The following SV2B variants were observed in gnomAD, a reference collection of about 807,000 sequenced individuals.
SV2B encodes synaptic vesicle glycoprotein 2B.
SV2B carries 41 observed loss-of-function variants against 73.9 expected under a neutral mutation model. The ratio of observed to expected loss-of-function variants is 0.56; its 90% CI spans 0.43 to 0.72. The LOEUF (loss-of-function observed/expected upper bound fraction) is 0.72, where lower values mean the gene tolerates loss of function less well. Ranked by LOEUF, SV2B falls within the 30% of genes least tolerant of loss-of-function variation. The probability of loss-of-function intolerance (pLI) is 0.00; values close to 1 mark genes in which losing one functional copy is unlikely to be tolerated. For synonymous variants in SV2B, 314 were observed against 314.2 expected (o/e 1.00, Z 0.01); for missense variants, 764 against 857.8 (o/e 0.89, Z 1.37).
chr15:91,135,091 C>G (rs2042779822), intron 1 of SV2B, among the ~76,000 whole-genome samples: 1 of 151,888 alleles, frequency 6.6e-6, no homozygotes, highest in African/African-American at 2.4e-5. Context: ...CCTAGACCTC[C>G]CCAGCTCACG....
Position 91,270,405 on chromosome 15 carries a change from G to A in SV2B, c.1373+1800G>A, listed in dbSNP as rs943548112. ...CTCTTTTGCAAGTGGGGAAACAGAA[G>A]CTTAGAGAGGTTAAGTATCTTGCTC... On this transcript the variant is annotated intron_variant, in intron 9 of 12. Coordinates refer to ENST00000394232, the MANE Select transcript of SV2B (RefSeq NM_001323032.3). 3.3e-5 allele frequency among the ~76,000 whole-genome samples: 5 copies of A among 152,312 alleles called. 1 individual carries two copies. Among genetic ancestry groups the A allele is most frequent in the African/African-American group, 1.2e-4 (5 of 41,570 alleles).
Position 91,214,591 on chromosome 15 carries a change from A to G in SV2B, c.-391-11282A>G, listed in dbSNP as rs951757707. ...AGAACTTGCGAATGGCAGAGCTGGT[A>G]TCTGTAAAGAAATGCAGTGGGCAAG... On this transcript the variant is annotated intron_variant, in intron 1 of 12. Coordinates refer to ENST00000394232, the MANE Select transcript of SV2B (RefSeq NM_001323032.3). This position sits in a 1 kb window ranked among gnomAD's most constrained non-coding sequence, Gnocchi z 4.7. Among the ~76,000 whole-genome samples the G allele has an allele frequency of 5.9e-5, 9 of 152,258 alleles. No homozygotes were observed. Among genetic ancestry groups the G allele is most frequent in the Admixed American group, 5.9e-4 (9 of 15,288 alleles).
chr15:91,236,192 T>A lies in SV2B; in HGVS notation c.451+9478T>A, dbSNP rs1381258951. ...GCAATGTCACCTTCAAAGACTTTAATGAGTTGTTTTTCCTCCACAGTTAAG... is the reference window on the plus strand; with the variant it reads ...GCAATGTCACCTTCAAAGACTTTAAAGAGTTGTTTTTCCTCCACAGTTAAG... On this transcript the variant is annotated intron_variant, in intron 2 of 12. Coordinates refer to ENST00000394232, the MANE Select transcript of SV2B (RefSeq NM_001323032.3). This position sits in a 1 kb window ranked among gnomAD's most constrained non-coding sequence, Gnocchi z 4.1. Among the ~76,000 whole-genome samples, 1 of 152,236 alleles carries A rather than the reference T, an allele frequency of 6.6e-6. No individual in the cohort carries two copies. Among genetic ancestry groups the A allele is most frequent in the Non-Finnish European group, 1.5e-5 (1 of 68,038 alleles).
At chr15:91,202,522 T>C (rs1240963011) in intron 1 of SV2B, among the ~76,000 whole-genome samples, 1 of 152,242 alleles carries the variant, frequency 6.6e-6, no homozygotes, top group Non-Finnish European at 1.5e-5. Flanking sequence ...CCTCAGTTTC[T>C]TTATCTGTAA....
At chr15:91,207,094 A>G (rs568762635) in intron 1 of SV2B, among the ~76,000 whole-genome samples, 1 of 151,844 alleles carries the variant, frequency 6.6e-6, no homozygotes, top group East Asian at 1.9e-4. Flanking sequence ...ATGAGATCCT[A>G]GCTCTCACTG....
In SV2B at chr15:91,300,332, T is replaced by C. The variant is rs1470384104; in HGVS notation, c.*7780T>C. The C allele has an allele frequency of 2.6e-5, 4 of 152,098 alleles. No homozygotes were observed. The highest frequency in any genetic ancestry group is 5.9e-5 in the Non-Finnish European group (4 of 68,016). 9.4% of individuals were successfully genotyped at this position (152,098 alleles called of 1,614,324 possible). A position where few individuals can be genotyped will look rare whatever the true frequency, so the allele number is the denominator to read the frequency against. ...CCCCAACTCTACCAGACCAAAAGGG[T>C]GTCTCTATTTTTTGTTGTTACTTCT... On this transcript the variant is annotated 3_prime_UTR_variant, in exon 13 of 13. Coordinates refer to ENST00000394232, the MANE Select transcript of SV2B (RefSeq NM_001323032.3).
At position 91,123,812 on chromosome 15, in the gene SV2B, C is replaced by T. The variant is rs1463903866; in HGVS notation, c.-392+23449C>T. 6.6e-6 allele frequency among the ~76,000 whole-genome samples: 1 copy of T among 152,154 alleles called. No individual in the cohort carries two copies. On this transcript the variant is annotated intron_variant, in intron 1 of 12. Transcript: ENST00000394232. The surrounding 1 kb of genome is among the most constrained non-coding windows in gnomAD (Gnocchi z 4.7). Reference sequence around the variant, plus strand: ...GGAGCAAGGAGAGACTAATTGGGAACAGGCAGGATTTGACAGTTTGGAAAA... The same window carrying T: ...GGAGCAAGGAGAGACTAATTGGGAATAGGCAGGATTTGACAGTTTGGAAAA...
In SV2B at chr15:91,141,292, G is replaced by A. The variant is rs2042988968; in HGVS notation, c.-392+40929G>A. Among the ~76,000 whole-genome samples, 1 of 152,180 alleles carries A rather than the reference G, an allele frequency of 6.6e-6. No individual in the cohort carries two copies. On this transcript the variant is annotated intron_variant, in intron 1 of 12. Transcript: ENST00000394232. This position sits in a 1 kb window ranked among gnomAD's most constrained non-coding sequence, Gnocchi z 4.6. ...GCTGAGTTAGAGCTATTCTAGCAAG[G>A]GCGTGGAGTGTTTCCAGATTTTTGC...
At chr15:91,142,899 G>A (rs756955563) in intron 1 of SV2B, among the ~76,000 whole-genome samples, 4 of 152,204 alleles carry the variant, frequency 2.6e-5, no homozygotes, top group Admixed American at 6.5e-5. Flanking sequence ...TAAAAATAAA[G>A]TTTAGCATAT....
Position 91,224,624 on chromosome 15 carries a change from G to A in SV2B, c.-391-1249G>A, listed in dbSNP as rs901411285. On this transcript the variant is annotated intron_variant, in intron 1 of 12. Transcript: ENST00000394232. The surrounding 1 kb of genome is among the most constrained non-coding windows in gnomAD (Gnocchi z 4.9). The stretch of plus-strand genomic sequence containing the variant: ...CTGGGAAGTATGAGGACATTGGAAC[G>A]AGCTGGCTTTGGGACCAGTGACCTG... Among the ~76,000 whole-genome samples the A allele has an allele frequency of 2.0e-5, 3 of 152,214 alleles. No homozygotes were observed. The highest frequency in any genetic ancestry group is 4.4e-5 in the Non-Finnish European group (3 of 68,026).
intron 1 of SV2B, among the ~76,000 whole-genome samples, chr15:91,180,601 C>CT (rs1335696180): frequency 2.0e-5 from 3 of 152,116 alleles, no homozygotes; most frequent in Non-Finnish European, 4.4e-5. Context: ...TCTTTTTATT[C>CT]TTTTTTCTCT....
In SV2B at chr15:91,124,856, G is replaced by A. The variant is rs1046901780; in HGVS notation, c.-392+24493G>A. Among the ~76,000 whole-genome samples, 1 of 152,088 alleles carries A rather than the reference G, an allele frequency of 6.6e-6. No homozygotes were observed. The highest frequency in any genetic ancestry group is 2.1e-4 in the South Asian group (1 of 4,824). Reference sequence around the variant, plus strand: ...TTTAGGAGAGACGGAATTTCACCATGTTGGCCAGGCTGGTCTCGAACTCCT... The same window carrying A: ...TTTAGGAGAGACGGAATTTCACCATATTGGCCAGGCTGGTCTCGAACTCCT... On this transcript the variant is annotated intron_variant, in intron 1 of 12. Transcript: ENST00000394232. This position sits in a 1 kb window ranked among gnomAD's most constrained non-coding sequence, Gnocchi z 4.6.
chr15:91,243,043 AT>A (rs1295012860), intron 2 of SV2B, among the ~76,000 whole-genome samples: 1 of 152,152 alleles, frequency 6.6e-6, no homozygotes, highest in Non-Finnish European at 1.5e-5. Flanking sequence ...AGTATCACCC[AT>A]TTGTATAACC....
chr15:91,291,825 A>T (rs113402552), intron 12 of SV2B, among the ~76,000 whole-genome samples: 47 of 152,340 alleles, frequency 3.1e-4, no homozygotes, highest in African/African-American at 1.1e-3. Context: ...TCTCTTACGG[A>T]AGCTTCTTGG....
Position 91,281,543 on chromosome 15 carries a change from T to C in SV2B, c.1374-185T>C, listed in dbSNP as rs559664643. On this transcript the variant is annotated intron_variant, in intron 9 of 12. Transcript: ENST00000394232. The surrounding 1 kb of genome is among the most constrained non-coding windows in gnomAD (Gnocchi z 4.7). ...CCTACGCTAGACACTGGCTTCCAGG[T>C]CCTGAAGCCCTTCCCCACTAATAAA... is the stretch of plus-strand genomic sequence containing the variant. 1.3e-5 allele frequency among the ~76,000 whole-genome samples: 2 copies of C among 152,370 alleles called. No homozygotes were observed. The highest frequency in any genetic ancestry group is 3.9e-4 in the East Asian group (2 of 5,190).
chr15:91,276,452 A>G (rs1369829744), intron 9 of SV2B, among the ~76,000 whole-genome samples: 3 of 151,626 alleles, frequency 2.0e-5, no homozygotes, highest in African/African-American at 7.3e-5. Flanking sequence ...CCTATGTTAG[A>G]TTGTTTGATA....
At chr15:91,183,353 A>T (rs1005771806) in intron 1 of SV2B, among the ~76,000 whole-genome samples, 1 of 152,250 alleles carries the variant, frequency 6.6e-6, no homozygotes, top group Non-Finnish European at 1.5e-5. Flanking sequence ...TGAAGTAGAG[A>T]ATCAAAATGA....
rs1411715652 is a variant in SV2B, at chr15:91,139,813, G to T, written c.-392+39450G>T. Among the ~76,000 whole-genome samples, 1 of 152,200 alleles carries T rather than the reference G, an allele frequency of 6.6e-6. No homozygotes were observed. Among genetic ancestry groups the T allele is most frequent in the Non-Finnish European group, 1.5e-5 (1 of 68,032 alleles). On this transcript the variant is annotated intron_variant, in intron 1 of 12. Coordinates refer to ENST00000394232, the MANE Select transcript of SV2B (RefSeq NM_001323032.3). The surrounding 1 kb of genome is among the most constrained non-coding windows in gnomAD (Gnocchi z 5.2). ...CTCAGATAATTAACAGGCGTCAGTT[G>T]GTTGTAAAAGACGTAAACTAAGATT...
rs373864015 is a variant in SV2B at position 91,299,061 on chromosome 15, G to A, written c.*6509G>A. 6.6e-6 allele frequency: 1 copy of A among 152,048 alleles called. No homozygotes were observed. The highest frequency in any genetic ancestry group is 2.1e-4 in the South Asian group (1 of 4,814). 9.4% of individuals were successfully genotyped at this position (152,048 alleles called of 1,614,324 possible). On this transcript the variant is annotated 3_prime_UTR_variant, in exon 13 of 13. Transcript: ENST00000394232. ...AGGTAACGCATGAGCTAAATAGCTT[G>A]ATTTAGTCACTCTAAAATGTGGGTG...
Sources: gnomAD v4.1 joint callset for allele counts (sites outside exome capture counted in the v4.1 genomes callset) on GRCh38, gnomAD v4.1.1 for gene constraint, Gnocchi (gnomAD v3.1) non-coding constraint, MANE v1.5 for transcripts, NCBI Gene and HGNC (gene_info 2026-07-23, HGNC 2026-07-21) for gene names.